The following CERS6 variants were observed in gnomAD, a reference collection of about 807,000 sequenced individuals.
CERS6 encodes ceramide synthase 6.
In CERS6, 26 loss-of-function variants were observed where a neutral mutation model predicts 56.8. That is an observed-to-expected ratio of 0.46 (90% CI 0.34 to 0.63). The LOEUF is 0.63. CERS6 is among the 30% of genes least tolerant of loss of function. The pLI is 0.01. For synonymous variants in CERS6, 164 were observed against 173.3 expected (o/e 0.95, Z 0.42); for missense variants, 415 against 467.5 (o/e 0.89, Z 1.04).
At chr2:168,655,369 C>G (rs1430192065) in intron 4 of CERS6, among the ~76,000 whole-genome samples, 1 of 152,190 alleles carries the variant, frequency 6.6e-6, no homozygotes, top group Non-Finnish European at 1.5e-5. Flanking sequence ...ACAGCAATCC[C>G]TCTTCTAGGT....
intron 4 of CERS6, among the ~76,000 whole-genome samples, chr2:168,686,161 G>A (rs894709706): frequency 7.4e-5 from 11 of 149,164 alleles, no homozygotes; most frequent in East Asian, 2.0e-4. Flanking sequence ...AAGGATTGGC[G>A]TCTAGTGAGG....
At chr2:168,763,133 C>A (rs1320578735) in intron 8 of CERS6, among the ~76,000 whole-genome samples, 4 of 152,218 alleles carry the variant, frequency 2.6e-5, no homozygotes, top group East Asian at 1.9e-4. Context: ...ACCTCAGCCC[C>A]CCCAAAGTGC....
At chr2:168,600,378 G>A (rs765882654) in intron 3 of CERS6, among the ~76,000 whole-genome samples, 9 of 151,894 alleles carry the variant, frequency 5.9e-5, no homozygotes, top group Non-Finnish European at 1.2e-4. Flanking sequence ...CTAATTTTTT[G>A]TATTTTTAGT....
At chr2:168,764,685 C>A (rs1160116709) in intron 8 of CERS6, among the ~76,000 whole-genome samples, 1 of 152,026 alleles carries the variant, frequency 6.6e-6, no homozygotes, top group African/African-American at 2.4e-5. Context: ...GAGTTAATCT[C>A]TTTTTTTGCA....
intron 3 of CERS6, among the ~76,000 whole-genome samples, chr2:168,582,236 TC>T (rs993109342): frequency 3.3e-5 from 5 of 152,136 alleles, no homozygotes; most frequent in African/African-American, 7.2e-5. Context: ...TATAATATCC[TC>T]CACATTAGGT....
intron 9 of CERS6, among the ~76,000 whole-genome samples, chr2:168,766,159 A>C (rs577912462): frequency 2.6e-5 from 4 of 152,332 alleles, no homozygotes; most frequent in Admixed American, 1.3e-4. Context: ...ACTTCCAACA[A>C]GATTTAGTTA....
At chr2:168,581,379 C>T (rs1683406113) in intron 3 of CERS6, among the ~76,000 whole-genome samples, 1 of 151,958 alleles carries the variant, frequency 6.6e-6, no homozygotes, top group Admixed American at 6.6e-5. Flanking sequence ...AATATTGCTG[C>T]TTCTCTACTC....
intron 4 of CERS6, among the ~76,000 whole-genome samples, chr2:168,676,975 G>C (rs1002688452): frequency 6.7e-6 from 1 of 149,160 alleles, no homozygotes; most frequent in Admixed American, 6.7e-5. Flanking sequence ...GCAGTTTTAC[G>C]CACCATTGCT....
At chr2:168,725,386 A>G (rs895263720) in intron 8 of CERS6, among the ~76,000 whole-genome samples, 1 of 152,242 alleles carries the variant, frequency 6.6e-6, no homozygotes, top group Non-Finnish European at 1.5e-5. Context: ...AAGTGCCGCC[A>G]AAGTGGGAGC....
At chr2:168,525,632 C>G (rs1574042792) in intron 1 of CERS6, among the ~76,000 whole-genome samples, 1 of 152,294 alleles carries the variant, frequency 6.6e-6, no homozygotes, top group East Asian at 1.9e-4. Flanking sequence ...TATTCAAAGT[C>G]CTATACAACG....
chr2:168,628,112 A>G (rs1486163938), intron 3 of CERS6, among the ~76,000 whole-genome samples: 2 of 152,144 alleles, frequency 1.3e-5, no homozygotes, highest in African/African-American at 4.8e-5. Context: ...AAACTTTCCT[A>G]AAAATTACTA....
At chr2:168,727,484 G>A (rs1007516634) in intron 8 of CERS6, among the ~76,000 whole-genome samples, 28 of 151,778 alleles carry the variant, frequency 1.8e-4, no homozygotes, top group African/African-American at 6.5e-4. Flanking sequence ...GGGAGGCGAA[G>A]GTTGCAGTGA....
chr2:168,578,589 A>G (rs1259984891), intron 3 of CERS6, among the ~76,000 whole-genome samples: 1 of 152,162 alleles, frequency 6.6e-6, no homozygotes, highest in Non-Finnish European at 1.5e-5. Flanking sequence ...AGCCAACCAG[A>G]CAGTTTTCTA....
chr2:168,711,569 A>G (rs2105384455), intron 6 of CERS6, among the ~76,000 whole-genome samples: 1 of 152,116 alleles, frequency 6.6e-6, no homozygotes. Context: ...CCCCGTCTCA[A>G]CCGAAAATAC....
chr2:168,561,164 A>G, intron 2 of CERS6, 28 bp from the exon 3 acceptor site: 1 of 1,612,408 alleles, frequency 6.2e-7, no homozygotes, highest in Non-Finnish European at 8.5e-7. Flanking sequence ...TGGATTGAAA[A>G]TTATTTTTCT....
chr2:168,548,051 GA>G (rs1695498985), intron 2 of CERS6, among the ~76,000 whole-genome samples: 1 of 152,136 alleles, frequency 6.6e-6, no homozygotes, highest in East Asian at 1.9e-4. Flanking sequence ...GGGTGGAGCT[GA>G]AGAATGTGAT....
chr2:168,717,555 A>G (rs920241764), intron 7 of CERS6, among the ~76,000 whole-genome samples: 1 of 152,200 alleles, frequency 6.6e-6, no homozygotes, highest in Non-Finnish European at 1.5e-5. Context: ...CTATGATGCA[A>G]GAATCTCTTA....
At chr2:168,492,059 G>A (rs1162818816) in intron 1 of CERS6, among the ~76,000 whole-genome samples, 14 of 152,150 alleles carry the variant, frequency 9.2e-5, no homozygotes. Context: ...TTGCTATTGT[G>A]AACAGTGCCG....
chr2:168,743,125 T>G (rs1030530467), intron 8 of CERS6, among the ~76,000 whole-genome samples: 2 of 151,922 alleles, frequency 1.3e-5, no homozygotes, highest in Admixed American at 6.6e-5. Context: ...GTGATTAAGA[T>G]GGAAGGATTA....
Sources: gnomAD v4.1 joint callset for allele counts (sites outside exome capture counted in the v4.1 genomes callset) on GRCh38, gnomAD v4.1.1 for gene constraint, MANE v1.5 for transcripts, NCBI Gene and HGNC (gene_info 2026-07-23, HGNC 2026-07-21) for gene names.